FGGY: variants seen among roughly 807,000 people sequenced by gnomAD.
The protein encoded by FGGY is FGGY carbohydrate kinase domain containing.
In FGGY, 72 loss-of-function variants were observed where a neutral mutation model predicts 71.3. That is an observed-to-expected ratio of 1.01 (90% CI 0.84 to 1.23). The LOEUF (loss-of-function observed/expected upper bound fraction) is 1.23, where lower values mean the gene tolerates loss of function less well. Ranked by LOEUF, FGGY falls within the 50% of genes most tolerant of loss-of-function variation. FGGY has a pLI of 0.00. For synonymous variants in FGGY, 251 were observed against 250.3 expected (o/e 1.00, Z -0.02); for missense variants, 668 against 682.3 (o/e 0.98, Z 0.23).
chr1:59,366,157 C>T (rs555989385), intron 4 of FGGY, among the ~76,000 whole-genome samples: 7 of 152,154 alleles, frequency 4.6e-5, no homozygotes, highest in East Asian at 3.9e-4. Flanking sequence ...TTTTTCTTTT[C>T]GTACAAGAAG....
chr1:59,718,552 G>C (rs1015964908), intron 14 of FGGY, among the ~76,000 whole-genome samples: 2 of 152,154 alleles, frequency 1.3e-5, no homozygotes, highest in Non-Finnish European at 2.9e-5. Flanking sequence ...AGCATGTGAG[G>C]CTCTCCACTA....
chr1:59,593,897 T>G (rs190849281), intron 8 of FGGY, among the ~76,000 whole-genome samples: 4 of 152,330 alleles, frequency 2.6e-5, no homozygotes, highest in African/African-American at 9.6e-5. Flanking sequence ...GAGCCCCAGA[T>G]AATTCCTGGC....
intron 6 of FGGY, among the ~76,000 whole-genome samples, chr1:59,499,877 T>A (rs926237585): frequency 6.6e-6 from 1 of 152,208 alleles, no homozygotes; most frequent in Non-Finnish European, 1.5e-5. Flanking sequence ...AGTTAATTTC[T>A]CTGTAAAATC....
At chr1:59,715,750 C>G (rs979194313) in intron 14 of FGGY, among the ~76,000 whole-genome samples, 1 of 152,248 alleles carries the variant, frequency 6.6e-6, no homozygotes, top group Non-Finnish European at 1.5e-5. Context: ...GTGCAGAGCA[C>G]TGTGCTAAGA....
At chr1:59,522,661 T>C (rs1347970797) in intron 7 of FGGY, among the ~76,000 whole-genome samples, 1 of 152,202 alleles carries the variant, frequency 6.6e-6, no homozygotes, top group African/African-American at 2.4e-5. Context: ...AATCTTTTTG[T>C]AGTGACTTGC....
intron 14 of FGGY, among the ~76,000 whole-genome samples, chr1:59,721,298 T>C (rs748422308): frequency 2.1e-4 from 31 of 151,084 alleles, no homozygotes; most frequent in Non-Finnish European, 4.1e-4. Context: ...ACAGAAAAAT[T>C]GTGAAGATGA....
chr1:59,698,770 G>A (rs1373786213), intron 14 of FGGY: 1 of 985,224 alleles, frequency 1.0e-6, no homozygotes. Flanking sequence ...TAAAGAGAAA[G>A]CCCTTTAAAA....
intron 8 of FGGY, 59 bp downstream of exon 8, chr1:59,554,286 G>T: frequency 7.5e-7 from 1 of 1,336,368 alleles, no homozygotes; most frequent in Non-Finnish European, 1.1e-6. Context: ...CCTGGAAGGA[G>T]ACCCTGAGTG....
intron 7 of FGGY, among the ~76,000 whole-genome samples, chr1:59,533,066 G>A (rs1003461579): frequency 6.6e-6 from 1 of 152,176 alleles, no homozygotes; most frequent in Admixed American, 6.5e-5. Flanking sequence ...CACAGCAGAC[G>A]GTGATTTCTG....
At chr1:59,685,524 AC>A (rs1437770015) in intron 14 of FGGY, among the ~76,000 whole-genome samples, 1 of 152,208 alleles carries the variant, frequency 6.6e-6, no homozygotes, top group Non-Finnish European at 1.5e-5. Context: ...AGGAAAATAC[AC>A]ATATATATAC....
chr1:59,595,255 G>A (rs1325021620), intron 8 of FGGY, among the ~76,000 whole-genome samples: 2 of 152,138 alleles, frequency 1.3e-5, no homozygotes, highest in Non-Finnish European at 2.9e-5. Flanking sequence ...CATAGTAGCT[G>A]CTTGGCAAAT....
chr1:59,574,554 G>A (rs1261385883), intron 8 of FGGY, among the ~76,000 whole-genome samples: 2 of 151,726 alleles, frequency 1.3e-5, no homozygotes, highest in African/African-American at 4.8e-5. Flanking sequence ...TACCCTTTAT[G>A]GAAAGAAGTG....
chr1:59,440,527 A>G (rs55777464), intron 5 of FGGY, among the ~76,000 whole-genome samples: 2,074 of 151,868 alleles, frequency 0.014, 48 homozygotes, highest in African/African-American at 0.048. Context: ...CAAAAATAAA[A>G]TAGATATTTA....
At chr1:59,537,654 G>A (rs1384870581) in intron 7 of FGGY, among the ~76,000 whole-genome samples, 4 of 151,994 alleles carry the variant, frequency 2.6e-5, no homozygotes, top group Admixed American at 6.6e-5. Flanking sequence ...CAGAAATATA[G>A]ATCAATGGAA....
chr1:59,417,880 A>G (rs972572524), intron 5 of FGGY, among the ~76,000 whole-genome samples: 5 of 152,234 alleles, frequency 3.3e-5, no homozygotes, highest in African/African-American at 4.8e-5. Context: ...CCTCAGTCAT[A>G]CTGGCCACAT....
At chr1:59,587,886 G>A (rs1024364024) in intron 8 of FGGY, among the ~76,000 whole-genome samples, 17 of 152,320 alleles carry the variant, frequency 1.1e-4, no homozygotes, top group Admixed American at 7.8e-4. Flanking sequence ...AAAAAGCAGA[G>A]CACCTCTCCT....
chr1:59,655,368 G>A (rs1035415016), intron 11 of FGGY, among the ~76,000 whole-genome samples: 4 of 152,056 alleles, frequency 2.6e-5, no homozygotes, highest in East Asian at 3.9e-4. Context: ...CTATCAACCC[G>A]TCATCTAGGT....
At chr1:59,372,215 G>T (rs2057785712) in intron 4 of FGGY, among the ~76,000 whole-genome samples, 1 of 152,146 alleles carries the variant, frequency 6.6e-6, no homozygotes, top group Non-Finnish European at 1.5e-5. Context: ...AATTAAAAAT[G>T]ATAAAGGGAA....
chr1:59,697,684 G>A, intron 14 of FGGY: 1 of 1,303,666 alleles, frequency 7.7e-7, no homozygotes, highest in East Asian at 5.6e-5. Context: ...GACGATAGCA[G>A]CAATGGGAAG....
Sources: allele counts gnomAD v4.1 joint callset (sites outside exome capture counted in the v4.1 genomes callset), GRCh38; gene constraint gnomAD v4.1.1; transcripts MANE v1.5; gene names NCBI Gene and HGNC (gene_info 2026-07-23, HGNC 2026-07-21).